Variants in PLXDC2 observed in about 807,000 individuals in gnomAD.
The protein encoded by PLXDC2 is plexin domain containing 2.
Under a neutral mutation model 68.9 loss-of-function variants are expected in PLXDC2, and 40 were observed. The ratio of observed to expected loss-of-function variants is 0.58; its 90% CI spans 0.45 to 0.76. The LOEUF (loss-of-function observed/expected upper bound fraction) is 0.76. Among genes scored for constraint, PLXDC2 ranks in the 30% least tolerant of loss-of-function variants. PLXDC2 has a pLI of 0.00. For missense variants in PLXDC2, 644 were observed against 661.9 expected (o/e 0.97, Z 0.30); for synonymous variants, 243 against 234.2 (o/e 1.04, Z -0.34).
chr10:19,856,355 TACACACACAAACAC>T (rs1837211948), intron 1 of PLXDC2, among the ~76,000 whole-genome samples: 4 of 145,730 alleles, frequency 2.7e-5, no homozygotes, highest in African/African-American at 1.0e-4. Flanking sequence ...GGAAGCTTTA[TACACACACAAACAC>T]ACACACACAG....
chr10:19,834,706 G>C (rs551597853), intron 1 of PLXDC2, among the ~76,000 whole-genome samples: 1 of 152,296 alleles, frequency 6.6e-6, no homozygotes, highest in East Asian at 1.9e-4. Context: ...TGTTAGGTTG[G>C]GGTTGATAGT....
intron 9 of PLXDC2, among the ~76,000 whole-genome samples, chr10:20,191,869 G>A (rs1468557573): frequency 6.6e-6 from 1 of 151,848 alleles, no homozygotes; most frequent in African/African-American, 2.4e-5. Flanking sequence ...AGGACGGGAG[G>A]GCTGTTTTAA....
intron 1 of PLXDC2, among the ~76,000 whole-genome samples, chr10:19,862,952 G>C (rs10508597): frequency 0.58 from 88,668 of 151,978 alleles, 26,029 homozygotes; most frequent in East Asian, 0.7. Context: ...GAAGAGCTTC[G>C]TATAATACAT....
chr10:20,103,589 TGTGA>T (rs377338867), intron 4 of PLXDC2, among the ~76,000 whole-genome samples: 6,017 of 84,730 alleles, frequency 0.071, 156 homozygotes, highest in African/African-American at 0.21. Flanking sequence ...GCGGTTTGTG[TGTGA>T]GAGAGAGAGA....
rs1285190780 is a variant in PLXDC2 at position 20,177,374 on chromosome 10, T to C, written c.1026T>C (p.Ile342=). 2 of 1,598,522 alleles carry C rather than the reference T, an allele frequency of 1.3e-6. No individual in the cohort carries two copies. Among genetic ancestry groups the C allele is most frequent in the Admixed American group, 1.7e-5 (1 of 59,850 alleles). ...NRCGPCVSSQ[I]GFNCSWCSKL... ...GTGGCCCCTGTGTATCTTCTCAGATTGGCTTCAACTGCAGTTGGTGTAGTA... is the reference window on the plus strand; with the variant it reads ...GTGGCCCCTGTGTATCTTCTCAGATCGGCTTCAACTGCAGTTGGTGTAGTA... The change falls in exon 9 of 14, where the codon ATT becomes ATC. Residue 342 remains isoleucine, a synonymous_variant. Coordinates refer to ENST00000377252, the MANE Select transcript of PLXDC2 (RefSeq NM_032812.9).
chr10:20,248,096 G>A (rs540781222), intron 13 of PLXDC2, among the ~76,000 whole-genome samples: 37 of 152,280 alleles, frequency 2.4e-4, no homozygotes, highest in African/African-American at 8.2e-4. Flanking sequence ...ACACGTTTAA[G>A]CCTTTTCAAA....
rs200229536 is a variant in PLXDC2, at chr10:20,245,334, T to C, written c.1313-11T>C. The C allele has an allele frequency of 6.2e-7, 1 of 1,604,508 alleles. No homozygotes were observed. The highest frequency in any genetic ancestry group is 8.5e-7 in the Non-Finnish European group (1 of 1,176,100). Reference sequence around the variant, plus strand: ...CTCATGAAGGTCCTGACAGCTGGGATGTTCTTTCAGCTTCTACAGATGACA... The same window carrying C: ...CTCATGAAGGTCCTGACAGCTGGGACGTTCTTTCAGCTTCTACAGATGACA... On this transcript the variant is annotated splice_polypyrimidine_tract_variant and intron_variant, in intron 12 of 13. Coordinates refer to ENST00000377252, the MANE Select transcript of PLXDC2 (RefSeq NM_032812.9).
chr10:19,835,566 G>A (rs935236470), intron 1 of PLXDC2, among the ~76,000 whole-genome samples: 1 of 152,190 alleles, frequency 6.6e-6, no homozygotes, highest in South Asian at 2.1e-4. Context: ...AATCATCGAG[G>A]TGTATCTGGT....
chr10:20,125,388 A>G (rs953725756), intron 4 of PLXDC2, among the ~76,000 whole-genome samples: 1 of 152,216 alleles, frequency 6.6e-6, no homozygotes, highest in African/African-American at 2.4e-5. Context: ...GAAGTGGTGT[A>G]GAACTGATTG....
intron 2 of PLXDC2, among the ~76,000 whole-genome samples, chr10:20,037,926 C>G (rs1835607445): frequency 1.3e-5 from 2 of 152,180 alleles, no homozygotes; most frequent in African/African-American, 4.8e-5. Flanking sequence ...ACACACCCCA[C>G]TCTACTAATC....
At chr10:20,124,052 T>C (rs1019816887) in intron 4 of PLXDC2, among the ~76,000 whole-genome samples, 1 of 151,482 alleles carries the variant, frequency 6.6e-6, no homozygotes, top group Non-Finnish European at 1.5e-5. Flanking sequence ...AGAGAAGGGG[T>C]TGGGGTACTT....
chr10:19,933,630 C>T lies in PLXDC2; in HGVS notation c.113-68145C>T, dbSNP rs867163631. On this transcript the variant is annotated intron_variant, in intron 1 of 13. Coordinates refer to ENST00000377252, the MANE Select transcript of PLXDC2 (RefSeq NM_032812.9). ...TCTGGGTGACAGAGTGAGACTCAGT[C>T]TCAAAAAACAAAAACAAAAACAACA... 2.2e-4 allele frequency among the ~76,000 whole-genome samples: 34 copies of T among 151,874 alleles called. No individual in the cohort carries two copies. In the Middle Eastern group the frequency reaches 0.01, roughly 46 times the overall value.
intron 1 of PLXDC2, among the ~76,000 whole-genome samples, chr10:19,860,532 A>G (rs1035632738): frequency 6.6e-6 from 1 of 152,220 alleles, no homozygotes; most frequent in Non-Finnish European, 1.5e-5. Flanking sequence ...AAATGAACCA[A>G]TGGAGAATGA....
At chr10:19,929,651 G>C (rs1160747864) in intron 1 of PLXDC2, among the ~76,000 whole-genome samples, 1 of 152,126 alleles carries the variant, frequency 6.6e-6, no homozygotes, top group Non-Finnish European at 1.5e-5. Context: ...CAGGATCAGA[G>C]TCTAAGCAAT....
intron 1 of PLXDC2, among the ~76,000 whole-genome samples, chr10:19,988,562 T>C (rs1260689915): frequency 1.3e-5 from 2 of 152,074 alleles, no homozygotes; most frequent in East Asian, 3.9e-4. Context: ...CACAGACATA[T>C]TAAAAATGAA....
At chr10:20,249,036 G>T (rs1349062992) in intron 13 of PLXDC2, among the ~76,000 whole-genome samples, 1 of 152,140 alleles carries the variant, frequency 6.6e-6, no homozygotes, top group East Asian at 1.9e-4. Flanking sequence ...TTTTCTTCTG[G>T]AATTTTTATG....
intron 8 of PLXDC2, 71 bp downstream of exon 8, chr10:20,177,165 A>G (rs1256469427): frequency 3.6e-6 from 5 of 1,384,140 alleles, no homozygotes; most frequent in Admixed American, 3.4e-5. Context: ...TTCAATAGTT[A>G]TAATAATCAT....
chr10:19,981,428 TC>T (rs1312292144), intron 1 of PLXDC2, among the ~76,000 whole-genome samples: 2 of 152,208 alleles, frequency 1.3e-5, no homozygotes, highest in Non-Finnish European at 2.9e-5. Context: ...TTGTCTTTCG[TC>T]AGTTTACGTA....
chr10:19,876,161 G>GA (rs998523463), intron 1 of PLXDC2, among the ~76,000 whole-genome samples: 13 of 151,568 alleles, frequency 8.6e-5, no homozygotes, highest in Non-Finnish European at 1.2e-4. Context: ...GAACCAGAAG[G>GA]AAAAAAAATA....
Sources: gnomAD v4.1 joint callset for allele counts (sites outside exome capture counted in the v4.1 genomes callset) on GRCh38, gnomAD v4.1.1 for gene constraint, MANE v1.5 for transcripts, NCBI Gene and HGNC (gene_info 2026-07-23, HGNC 2026-07-21) for gene names.